The following TEX15 variants were observed in gnomAD, a reference collection of about 807,000 sequenced individuals.
TEX15 encodes testis expressed 15, meiosis and synapsis associated.
Under a neutral mutation model 237.3 loss-of-function variants are expected in TEX15, and 171 were observed. That is an observed-to-expected ratio of 0.72 (90% CI 0.64 to 0.82). The LOEUF is 0.82. Ranked by LOEUF, TEX15 falls within the 40% of genes least tolerant of loss-of-function variation. The pLI is 0.00. For missense variants in TEX15, 3,750 were observed against 3,646.5 expected, an observed-to-expected ratio of 1.03 and a Z score of -0.73; for synonymous variants, 1,338 against 1,269.8, an observed-to-expected ratio of 1.05 and a Z score of -1.14.
chr8:30,839,187 A>T (rs1807388916), intron 9 of TEX15, among the ~76,000 whole-genome samples: 1 of 152,114 alleles, frequency 6.6e-6, no homozygotes, highest in African/African-American at 2.4e-5. Context: ...AGAAGGGAAA[A>T]GTAGTACTAT....
chr8:30,854,595 T>C lies in TEX15; in HGVS notation c.850+4073A>G, dbSNP rs148662844. Among the ~76,000 whole-genome samples the C allele has an allele frequency of 7.9e-4, 120 of 152,186 alleles. 1 individual carries two copies. The highest frequency in any genetic ancestry group is 2.3e-3 in the African/African-American group (97 of 41,538). Reference sequence around the variant, plus strand: ...GAAATAATACCAATTCTTCATATATTATTCCAAAAAATAAAAGAGGAGAGA... The same window carrying C: ...GAAATAATACCAATTCTTCATATATCATTCCAAAAAATAAAAGAGGAGAGA... On this transcript the variant is annotated intron_variant, in intron 7 of 10. Coordinates refer to ENST00000643185, the MANE Select transcript of TEX15 (RefSeq NM_001350162.2).
chr8:30,861,706 T>A (rs1277885645), intron 5 of TEX15, among the ~76,000 whole-genome samples: 2 of 152,134 alleles, frequency 1.3e-5, no homozygotes. Context: ...TTTCTATAAA[T>A]CTAACATTAT....
At chr8:30,839,826 A>C in intron 9 of TEX15, 80 bp downstream of exon 9, 1 of 834,508 alleles carries the variant, frequency 1.2e-6, no homozygotes, top group Non-Finnish European at 1.9e-6. Context: ...TTATATAAAT[A>C]ATTGTGTTAT....
chr8:30,888,492 C>G (rs2128776339), intron 2 of TEX15: 2 of 489,526 alleles, frequency 4.1e-6, no homozygotes, highest in Middle Eastern at 3.4e-4. Context: ...TCTCCTTTCT[C>G]TCTCTCCCCA....
intron 4 of TEX15, among the ~76,000 whole-genome samples, chr8:30,868,439 T>C (rs1808222554): frequency 6.6e-6 from 1 of 151,998 alleles, no homozygotes. Context: ...AGCAAAGGAA[T>C]GTATATACCA....
rs549628404 is a variant in TEX15, at chr8:30,874,962, G to T, written c.277C>A (p.Leu93Met). 1.1e-5 allele frequency: 15 copies of T among 1,344,972 alleles called. No homozygotes were observed. Among genetic ancestry groups the T allele is most frequent in the Non-Finnish European group, 1.4e-5 (15 of 1,048,886 alleles). 83.3% of individuals were successfully genotyped at this position (1,344,972 alleles called of 1,614,324 possible). A position where few individuals can be genotyped will look rare whatever the true frequency, so the allele number is the denominator to read the frequency against. ...GDTKLVHNEE[L>M]EKNFTAKRSE... ...CTCTTAGCAGTAAAATTTTTTTCCA[G>T]TTCCTCATTGTGAACCAGTTTTGTA... is the stretch of plus-strand genomic sequence containing the variant. The change falls in exon 4 of 11, where the codon CTG becomes ATG. Residue 93 changes from leucine to methionine, a missense_variant. Leu to Met is a conservative substitution (Grantham distance 15, BLOSUM62 2). Transcript: ENST00000643185.
At chr8:30,859,793 T>G in intron 6 of TEX15, 118 bp downstream of exon 6, 1 of 764,382 alleles carries the variant, frequency 1.3e-6, no homozygotes, top group Non-Finnish European at 1.8e-6. Context: ...ACTGTTTGCT[T>G]AAGATATTAT....
Position 30,847,023 on chromosome 8 carries a change from C to T in TEX15, c.3144G>A (p.Glu1048=), listed in dbSNP as rs1458595550. The T allele has an allele frequency of 6.2e-7, 1 of 1,612,552 alleles. No homozygotes were observed. The highest frequency in any genetic ancestry group is 8.5e-7 in the Non-Finnish European group (1 of 1,178,926). ...SQESFHQSIN[E]NLVLQSIELE... ...ATTCAATGCTCTGAAGAACTAAGTT[C>T]TCATTTATTGATTGATGAAATGATT... The change falls in exon 8 of 11, where the codon GAG becomes GAA. Residue 1048 remains glutamate (E), a synonymous_variant. Transcript: ENST00000643185.
intron 1 of TEX15, among the ~76,000 whole-genome samples, chr8:30,904,319 C>T (rs1282241176): frequency 2.6e-5 from 4 of 151,810 alleles, no homozygotes; most frequent in East Asian, 1.9e-4. Flanking sequence ...TGGTGGTGGG[C>T]GCCTGTAATC....
intron 5 of TEX15, among the ~76,000 whole-genome samples, chr8:30,863,257 C>T (rs1231168898): frequency 6.6e-6 from 1 of 152,110 alleles, no homozygotes; most frequent in Non-Finnish European, 1.5e-5. Flanking sequence ...TGTTGGCACT[C>T]AGAAAATCTC....
Position 30,867,344 on chromosome 8 carries a change from T to G in TEX15, c.461A>C (p.Tyr154Ser). 1 of 1,528,146 alleles carries G rather than the reference T, an allele frequency of 6.5e-7. No individual in the cohort carries two copies. Among genetic ancestry groups the G allele is most frequent in the Non-Finnish European group, 8.8e-7 (1 of 1,139,920 alleles). 94.7% of individuals were successfully genotyped at this position (1,528,146 alleles called of 1,614,324 possible). ...GGCAATATCAACATGTCTAAACATA[T>G]AAATTCCAAGAAGAGGATTTCCTAG... Reference protein sequence around the residue: ...KILGNPLLGIYMFRHVDIALN... With the variant: ...KILGNPLLGISMFRHVDIALN... The change falls in exon 5 of 11, where the codon TAT (tyrosine) becomes TCT (serine). Residue 154 changes from tyrosine to serine, a missense_variant. Tyr to Ser is a moderately radical substitution (Grantham distance 144, BLOSUM62 -2). Coordinates refer to ENST00000643185, the MANE Select transcript of TEX15 (RefSeq NM_001350162.2).
intron 5 of TEX15, 87 bp downstream of exon 5, chr8:30,867,178 T>C (rs1808190910): frequency 1.9e-6 from 1 of 520,944 alleles, no homozygotes; most frequent in Non-Finnish European, 3.3e-6. Flanking sequence ...TTTAAAAACA[T>C]TAACAATTTA....
intron 1 of TEX15, among the ~76,000 whole-genome samples, chr8:30,906,479 A>T (rs1421044803): frequency 6.6e-6 from 1 of 151,872 alleles, no homozygotes; most frequent in African/African-American, 2.4e-5. Context: ...AATCCCAGCT[A>T]CTCAGGAGGC....
chr8:30,868,778 G>T (rs926955251), intron 4 of TEX15, among the ~76,000 whole-genome samples: 5 of 151,656 alleles, frequency 3.3e-5, no homozygotes, highest in South Asian at 2.1e-4. Flanking sequence ...AACATTTGAA[G>T]GTACACAGAA....
chr8:30,851,866 G>A (rs542850476), intron 7 of TEX15, among the ~76,000 whole-genome samples: 14 of 151,956 alleles, frequency 9.2e-5, no homozygotes, highest in East Asian at 7.8e-4. Context: ...CCCAGGAGGC[G>A]GAAGTTGCAG....
chr8:30,834,344 G>A (rs1465630186), intron 10 of TEX15, among the ~76,000 whole-genome samples: 1 of 152,044 alleles, frequency 6.6e-6, no homozygotes, highest in South Asian at 2.1e-4. Flanking sequence ...GGCTAATTTT[G>A]TATTTTTAGT....
intron 7 of TEX15, among the ~76,000 whole-genome samples, chr8:30,854,306 A>G (rs957834709): frequency 6.6e-6 from 1 of 151,726 alleles, no homozygotes; most frequent in African/African-American, 2.4e-5. Context: ...AGACTCAGAA[A>G]TGAAAGAGGG....
Position 30,859,685 on chromosome 8 carries a change from T to C in TEX15, c.687+226A>G, listed in dbSNP as rs1006745444. ...AAGTTAGTAATTAATCTATATAATA[T>C]CTAAATAAAAGAAGCCACTGTACTT... is the stretch of plus-strand genomic sequence containing the variant. On this transcript the variant is annotated intron_variant, in intron 6 of 10. Coordinates refer to ENST00000643185, the MANE Select transcript of TEX15 (RefSeq NM_001350162.2). Among the ~76,000 whole-genome samples, 22 of 152,232 alleles carry C rather than the reference T, an allele frequency of 1.4e-4. No individual in the cohort carries two copies. In the East Asian group the frequency reaches 4.2e-3, roughly 29 times the overall value.
rs150165328 is a variant in TEX15 at position 30,842,559 on chromosome 8, A to G, written c.7608T>C (p.Tyr2536=). The G allele has an allele frequency of 1.2e-5, 20 of 1,610,842 alleles. No individual in the cohort carries two copies. In the African/African-American group the frequency reaches 2.1e-4, roughly 17 times the overall value. ...GTTCTCTTGAGAGCAAATGAATAGCATATGAGCAATTAACAGCTTCATTAT... is the reference window on the plus strand; with the variant it reads ...GTTCTCTTGAGAGCAAATGAATAGCGTATGAGCAATTAACAGCTTCATTAT... ...CKYNEAVNCS[Y]AIHLLSRELQ... The change falls in exon 8 of 11, where the codon TAT becomes TAC. Residue 2536 remains tyrosine, a synonymous_variant. Transcript: ENST00000643185.
Sources: gnomAD v4.1 joint callset for allele counts (sites outside exome capture counted in the v4.1 genomes callset) on GRCh38, gnomAD v4.1.1 for gene constraint, MANE v1.5 for transcripts, NCBI Gene and HGNC (gene_info 2026-07-23, HGNC 2026-07-21) for gene names.